Variants in RANBP2 observed in about 807,000 individuals in gnomAD.
The protein encoded by RANBP2 is E3 SUMO-protein ligase RanBP2.
A neutral mutation model predicts 303.6 loss-of-function variants in RANBP2; 57 were observed. The observed-to-expected ratio is 0.19, with a 90% confidence interval of 0.15 to 0.23. The LOEUF (loss-of-function observed/expected upper bound fraction) is 0.23, where lower values mean the gene tolerates loss of function less well. Among genes scored for constraint, RANBP2 ranks in the 10% least tolerant of loss-of-function variants. RANBP2 has a pLI of 1.00. For synonymous variants in RANBP2, 1,167 were observed against 1,301.5 expected (o/e 0.90, Z 2.23); for missense variants, 3,138 against 3,780.8 (o/e 0.83, Z 4.46).
At chr2:109,652,956 C>T in the RANBP2 span, among the ~76,000 whole-genome samples, 3 of 152,148 alleles carry the variant, frequency 2.0e-5, no homozygotes, top group Admixed American at 6.6e-5. Context: ...GGGATCAGTG[C>T]CCCTATGAGC....
chr2:109,498,750 C>T, the RANBP2 span, among the ~76,000 whole-genome samples: 3 of 152,184 alleles, frequency 2.0e-5, no homozygotes, highest in Non-Finnish European at 2.9e-5. Context: ...ATCCCTGTGG[C>T]GATGGGGCTT....
At chr2:109,386,486 G>A in the RANBP2 span, among the ~76,000 whole-genome samples, 4 of 151,978 alleles carry the variant, frequency 2.6e-5, no homozygotes, top group Admixed American at 6.5e-5. Context: ...CTCAGCAGGC[G>A]GGCTGTCCCT....
At chr2:108,719,751 G>T (rs1281175006) in intron 1 of RANBP2, 73 bp downstream of exon 1, 7 of 1,544,040 alleles carry the variant, frequency 4.5e-6, no homozygotes, top group Admixed American at 2.0e-5. Flanking sequence ...AGGCGTCATG[G>T]CTCCCGACGG....
At chr2:109,321,139 G>A in the RANBP2 span, among the ~76,000 whole-genome samples, 2 of 152,230 alleles carry the variant, frequency 1.3e-5, no homozygotes, top group Non-Finnish European at 1.5e-5. Context: ...CACACAAGAC[G>A]CCATGTGCAT....
chr2:108,928,772 G>A, the RANBP2 span, among the ~76,000 whole-genome samples: 1 of 152,224 alleles, frequency 6.6e-6, no homozygotes, highest in African/African-American at 2.4e-5. Flanking sequence ...AATCATTTTG[G>A]AGGGATTATA....
the RANBP2 span, among the ~76,000 whole-genome samples, chr2:109,013,629 G>A: frequency 6.6e-6 from 1 of 151,604 alleles, no homozygotes; most frequent in Non-Finnish European, 1.5e-5. Context: ...TCTCACTCTG[G>A]GGTGCAGTGG....
the RANBP2 span, among the ~76,000 whole-genome samples, chr2:108,854,004 A>C: frequency 1.2e-3 from 34 of 27,332 alleles, no homozygotes; most frequent in East Asian, 8.6e-3. Context: ...AATTTATATT[A>C]TATATAATAT....
the RANBP2 span, among the ~76,000 whole-genome samples, chr2:109,540,704 G>A: frequency 6.6e-6 from 1 of 150,788 alleles, no homozygotes; most frequent in African/African-American, 2.4e-5. Context: ...ATGTGCCTAA[G>A]GCAGGAGGAC....
At chr2:109,516,985 GT>G in the RANBP2 span, among the ~76,000 whole-genome samples, 1 of 152,144 alleles carries the variant, frequency 6.6e-6, no homozygotes, top group African/African-American at 2.4e-5. Flanking sequence ...CCAGTGTACA[GT>G]TCGGGTAAGG....
the RANBP2 span, among the ~76,000 whole-genome samples, chr2:109,470,326 A>G: frequency 6.6e-6 from 1 of 152,230 alleles, no homozygotes; most frequent in Non-Finnish European, 1.5e-5. Context: ...CATTTCGGGT[A>G]GACTCCTGCT....
chr2:109,569,452 A>G, the RANBP2 span, among the ~76,000 whole-genome samples: 1 of 152,034 alleles, frequency 6.6e-6, no homozygotes, highest in South Asian at 2.1e-4. Flanking sequence ...AAAAAAAAAA[A>G]AAAGGAAAAA....
the RANBP2 span, among the ~76,000 whole-genome samples, chr2:109,375,392 C>T: frequency 3.9e-5 from 6 of 152,230 alleles, no homozygotes; most frequent in Non-Finnish European, 7.3e-5. Context: ...AGCTGGACAG[C>T]GCCCCTTGCC....
At chr2:109,214,513 C>G in the RANBP2 span, among the ~76,000 whole-genome samples, 3,245 of 151,828 alleles carry the variant, frequency 0.021, 107 homozygotes, top group African/African-American at 0.073. Flanking sequence ...CAGCCAGGCC[C>G]TGGCGTAGAA....
chr2:108,788,067 G>C, downstream of RANBP2: 4 of 1,597,692 alleles, frequency 2.5e-6, no homozygotes, highest in Non-Finnish European at 3.4e-6. Context: ...CTAAGTATAA[G>C]AGAAGAACTC....
At chr2:108,978,060 C>T in the RANBP2 span, among the ~76,000 whole-genome samples, 2 of 152,198 alleles carry the variant, frequency 1.3e-5, no homozygotes, top group Non-Finnish European at 2.9e-5. Context: ...CTTCCTTCTC[C>T]CGACAAATGG....
At chr2:109,437,398 C>G in the RANBP2 span, among the ~76,000 whole-genome samples, 7 of 151,242 alleles carry the variant, frequency 4.6e-5, no homozygotes, top group African/African-American at 1.7e-4. Flanking sequence ...GTCTGATCTC[C>G]AGGAAGTTCA....
In RANBP2 at chr2:108,784,394, G is replaced by T. The variant is rs1172593846; in HGVS notation, c.*493G>T. On this transcript the variant is annotated 3_prime_UTR_variant, in exon 29 of 29. Coordinates refer to ENST00000283195, the MANE Select transcript of RANBP2 (RefSeq NM_006267.5). ...TTATGAATGGGTAGAGCCACAGAAC[G>T]TATAGAGTTAACCAAAGTGCTCTTC... is the stretch of plus-strand genomic sequence containing the variant. The T allele has an allele frequency of 1.9e-5, 3 of 156,580 alleles. No homozygotes were observed. The highest frequency in any genetic ancestry group is 6.2e-5 in the Admixed American group (1 of 16,028). The allele number at this position is 156,580 out of a possible 1,614,324, so 9.7% of individuals were successfully genotyped here. A position where few individuals can be genotyped will look rare whatever the true frequency, so the allele number is the denominator to read the frequency against.
the RANBP2 span, among the ~76,000 whole-genome samples, chr2:109,286,066 G>A: frequency 6.6e-6 from 1 of 152,228 alleles, no homozygotes; most frequent in Admixed American, 6.5e-5. Flanking sequence ...GACATGGAGA[G>A]GTGGACATTC....
chr2:109,716,112 G>C, the RANBP2 span, among the ~76,000 whole-genome samples: 1 of 152,116 alleles, frequency 6.6e-6, no homozygotes, highest in Non-Finnish European at 1.5e-5. Context: ...AGAAAGGAGA[G>C]GGTCGCATGA....
Sources: allele counts gnomAD v4.1 joint callset (sites outside exome capture counted in the v4.1 genomes callset), GRCh38; gene constraint gnomAD v4.1.1; transcripts MANE v1.5; gene names NCBI Gene and HGNC (gene_info 2026-07-23, HGNC 2026-07-21).